The following ZFAND3 variants were observed in gnomAD, a reference collection of about 807,000 sequenced individuals.
ZFAND3 encodes the protein zinc finger AN1-type containing 3, also known as AN1-type zinc finger protein 3.
ZFAND3 carries 10 observed loss-of-function variants against 29.6 expected under a neutral mutation model. The ratio of observed to expected loss-of-function variants is 0.34; its 90% CI spans 0.21 to 0.57. The LOEUF is 0.57. ZFAND3 is among the 20% of genes least tolerant of loss of function. The pLI is 0.86. For missense variants in ZFAND3, 230 were observed against 304.5 expected (o/e 0.76, Z 1.82); for synonymous variants, 128 against 112.6 (o/e 1.14, Z -0.87).
intron 5 of ZFAND3, among the ~76,000 whole-genome samples, chr6:38,120,491 A>T (rs118064384): frequency 6.6e-6 from 1 of 151,540 alleles, no homozygotes; most frequent in Non-Finnish European, 1.5e-5. Context: ...ACGCCTGGCT[A>T]ATTTTTTGTA....
intron 2 of ZFAND3, among the ~76,000 whole-genome samples, chr6:37,935,380 TG>T (rs1761679611): frequency 2.0e-5 from 3 of 152,192 alleles, no homozygotes; most frequent in African/African-American, 7.2e-5. Flanking sequence ...ATTTTTATAT[TG>T]TTTTATATAT....
chr6:37,898,006 CCT>C (rs1765251047), intron 1 of ZFAND3, among the ~76,000 whole-genome samples: 1 of 152,076 alleles, frequency 6.6e-6, no homozygotes, highest in Non-Finnish European at 1.5e-5. Context: ...TTTTTTATTC[CCT>C]TAGTGTTATC....
In ZFAND3 at chr6:38,027,199, G is replaced by T. The variant is rs549009676; in HGVS notation, c.113-34394G>T. Among the ~76,000 whole-genome samples the T allele has an allele frequency of 3.1e-3, 469 of 152,320 alleles. 3 individuals carry two copies. Among genetic ancestry groups the T allele is most frequent in the African/African-American group, 0.011 (446 of 41,572 alleles). On this transcript the variant is annotated intron_variant, in intron 2 of 5. Coordinates refer to ENST00000287218, the MANE Select transcript of ZFAND3 (RefSeq NM_021943.3). ...ATGAGGAATAGTTACGAGAGTAGATGATAGTGATTTTCTTGCGTGACATCC... is the reference window on the plus strand; with the variant it reads ...ATGAGGAATAGTTACGAGAGTAGATTATAGTGATTTTCTTGCGTGACATCC...
intron 2 of ZFAND3, among the ~76,000 whole-genome samples, chr6:37,997,401 ACAC>A (rs1156928044): frequency 6.6e-6 from 1 of 152,204 alleles, no homozygotes; most frequent in Non-Finnish European, 1.5e-5. Flanking sequence ...GGGTTAAGGA[ACAC>A]CTGTTGACTC....
intron 1 of ZFAND3, among the ~76,000 whole-genome samples, chr6:37,869,823 A>C (rs1459025099): frequency 2.0e-5 from 3 of 150,434 alleles, no homozygotes; most frequent in Non-Finnish European, 4.4e-5. Context: ...TGATTTTGTT[A>C]ATCTTAAAAA....
chr6:37,891,872 G>T (rs1765111518), intron 1 of ZFAND3, among the ~76,000 whole-genome samples: 1 of 151,966 alleles, frequency 6.6e-6, no homozygotes, highest in Non-Finnish European at 1.5e-5. Flanking sequence ...GGGATTACAG[G>T]TGCATGCTGC....
chr6:37,846,010 C>T (rs771738234), intron 1 of ZFAND3, among the ~76,000 whole-genome samples: 2 of 152,164 alleles, frequency 1.3e-5, no homozygotes, highest in Admixed American at 6.5e-5. Context: ...CTCATCTCTA[C>T]CTCAGCTCTT....
intron 3 of ZFAND3, among the ~76,000 whole-genome samples, chr6:38,065,403 G>A (rs1445478778): frequency 6.6e-6 from 1 of 152,100 alleles, no homozygotes; most frequent in Non-Finnish European, 1.5e-5. Flanking sequence ...GATAGAGGAG[G>A]CAACTGAAGA....
chr6:38,132,608 T>G (rs1228036291), intron 5 of ZFAND3, among the ~76,000 whole-genome samples: 1 of 152,240 alleles, frequency 6.6e-6, no homozygotes, highest in East Asian at 1.9e-4. Context: ...TTCCTTGACA[T>G]ATAATCCAAG....
chr6:37,874,676 T>C (rs1037839843), intron 1 of ZFAND3, among the ~76,000 whole-genome samples: 7 of 152,090 alleles, frequency 4.6e-5, no homozygotes, highest in Admixed American at 1.3e-4. Flanking sequence ...CTCCAACATA[T>C]CTTGTTTTTG....
At chr6:38,121,092 G>A (rs1032353860) in intron 5 of ZFAND3, among the ~76,000 whole-genome samples, 1 of 152,226 alleles carries the variant, frequency 6.6e-6, no homozygotes, top group Non-Finnish European at 1.5e-5. Flanking sequence ...GGTGGCTCAT[G>A]CCTGTAATCC....
At chr6:38,043,513 TCCCTCTCTCCTTTTCTC>T (rs1763835465) in intron 2 of ZFAND3, among the ~76,000 whole-genome samples, 1 of 143,040 alleles carries the variant, frequency 7.0e-6, no homozygotes, top group Non-Finnish European at 1.5e-5. Context: ...CCTTCCTCCC[TCCCTCTCTCCTTTTCTC>T]CCCTCTCCCC....
intron 2 of ZFAND3, among the ~76,000 whole-genome samples, chr6:38,040,532 A>C (rs928989425): frequency 2.0e-5 from 3 of 152,194 alleles, no homozygotes; most frequent in African/African-American, 7.2e-5. Context: ...TTAAAACTTT[A>C]GTTTTGATGT....
intron 1 of ZFAND3, among the ~76,000 whole-genome samples, chr6:37,854,758 T>C (rs1392462463): frequency 9.1e-6 from 1 of 109,820 alleles, no homozygotes; most frequent in Admixed American, 1.1e-4. Flanking sequence ...CTACATAGGC[T>C]AAAATGCCCC....
Position 38,117,256 on chromosome 6 carries a change from C to CTTTT in ZFAND3, c.529+536_529+539dup, listed in dbSNP as rs35684874. ...TAGTCAGTTAATACCTTGAAATAGC[C>CTTTT]TTTTTTTTTTTTTTTTTTTTTTCCT... On this transcript the variant is annotated intron_variant, in intron 5 of 5. Transcript: ENST00000287218. 3.3e-4 allele frequency among the ~76,000 whole-genome samples: 32 copies of CTTTT among 96,338 alleles called. 1 individual carries two copies. Among genetic ancestry groups the CTTTT allele is most frequent in the African/African-American group, 5.1e-4 (12 of 23,588 alleles). 63.2% of individuals were successfully genotyped at this position (96,338 alleles called of 152,430 possible).
intron 2 of ZFAND3, among the ~76,000 whole-genome samples, chr6:37,967,143 T>A (rs1393485914): frequency 5.9e-5 from 9 of 152,238 alleles, no homozygotes; most frequent in African/African-American, 1.9e-4. Context: ...AATTAATAAA[T>A]GTTTTGTGGG....
chr6:38,067,395 C>T (rs1311681844), intron 3 of ZFAND3, among the ~76,000 whole-genome samples: 1 of 152,168 alleles, frequency 6.6e-6, no homozygotes, highest in Non-Finnish European at 1.5e-5. Context: ...GATGGAGGCA[C>T]AGGATGATTA....
chr6:37,890,786 A>G (rs1226374399), intron 1 of ZFAND3, among the ~76,000 whole-genome samples: 1 of 152,210 alleles, frequency 6.6e-6, no homozygotes, highest in Non-Finnish European at 1.5e-5. Context: ...AGATTTGAAT[A>G]TCAACATATA....
intron 2 of ZFAND3, among the ~76,000 whole-genome samples, chr6:38,006,039 T>C (rs1455757792): frequency 2.6e-5 from 4 of 152,206 alleles, no homozygotes; most frequent in Non-Finnish European, 5.9e-5. Flanking sequence ...CAGCAACTCT[T>C]CTCTGCATGG....
Sources: allele counts gnomAD v4.1 joint callset (sites outside exome capture counted in the v4.1 genomes callset), GRCh38; gene constraint gnomAD v4.1.1; transcripts MANE v1.5; gene names NCBI Gene and HGNC (gene_info 2026-07-23, HGNC 2026-07-21).